TMPRSS13: variants seen among roughly 807,000 people sequenced by gnomAD.
TMPRSS13 encodes the protein transmembrane protease serine 13.
A neutral mutation model predicts 68.4 loss-of-function variants in TMPRSS13; 50 were observed. That is an observed-to-expected ratio of 0.73 (90% CI 0.58 to 0.93). TMPRSS13 has a LOEUF of 0.93. TMPRSS13 is among the 40% of genes least tolerant of loss of function. The probability of loss-of-function intolerance (pLI) is 0.00; values close to 1 mark genes in which losing one functional copy is unlikely to be tolerated. For synonymous variants in TMPRSS13, 267 were observed against 285.8 expected (o/e 0.93, Z 0.66); for missense variants, 615 against 729.2 (o/e 0.84, Z 1.80).
intron 8 of TMPRSS13, 140 bp from the exon 9 acceptor site, chr11:117,908,924 T>C (rs1221558119): frequency 2.5e-6 from 2 of 792,710 alleles, no homozygotes; most frequent in Non-Finnish European, 2.0e-6. Flanking sequence ...GAGGGAACCC[T>C]CTATCTTATC....
At chr11:117,902,314 G>A in intron 12 of TMPRSS13, 49 bp from the exon 13 acceptor site, 1 of 1,610,728 alleles carries the variant, frequency 6.2e-7, no homozygotes, top group Non-Finnish European at 8.5e-7. Flanking sequence ...AGGTGGGCGA[G>A]GAGCACAGAA....
intron 9 of TMPRSS13, among the ~76,000 whole-genome samples, chr11:117,907,271 T>TG (rs2057472441): frequency 6.6e-6 from 1 of 152,088 alleles, no homozygotes. Context: ...ACCTCAGCCC[T>TG]GGACTCCACA....
intron 9 of TMPRSS13, 102 bp downstream of exon 9, chr11:117,908,509 GC>G (rs1409044916): frequency 7.5e-7 from 1 of 1,334,212 alleles, no homozygotes; most frequent in South Asian, 1.3e-5. Context: ...CCCTGCAGAA[GC>G]TTTGGGGCCC....
intron 7 of TMPRSS13, among the ~76,000 whole-genome samples, chr11:117,910,305 G>A (rs890949176): frequency 3.9e-5 from 6 of 152,106 alleles, no homozygotes; most frequent in Non-Finnish European, 5.9e-5. Flanking sequence ...GCACTGTGTT[G>A]GGCATTGGGG....
chr11:117,923,062 C>G (rs1591631330), intron 1 of TMPRSS13, among the ~76,000 whole-genome samples: 3 of 152,310 alleles, frequency 2.0e-5, no homozygotes, highest in Admixed American at 2.0e-4. Context: ...AGGAGCAGCC[C>G]CTGGCTCTGG....
chr11:117,914,585 A>T lies in TMPRSS13; in HGVS notation c.557-71T>A. ...AGATGAGACACTGAGCAGCCCAAGG[A>T]CCTGGGGGTTCTGAGACACCGACCT... On this transcript the variant is annotated intron_variant, in intron 3 of 12. Transcript: ENST00000524993. The surrounding 1 kb of genome is among the most constrained non-coding windows in gnomAD (Gnocchi z 4.2). The T allele has an allele frequency of 6.3e-7, 1 of 1,594,710 alleles. No individual in the cohort carries two copies. The highest frequency in any genetic ancestry group is 1.1e-5 in the South Asian group (1 of 89,510).
chr11:117,902,530 C>A (rs1015268311), intron 12 of TMPRSS13, among the ~76,000 whole-genome samples: 8 of 152,216 alleles, frequency 5.3e-5, no homozygotes, highest in Non-Finnish European at 1.0e-4. Context: ...GCACCCCCTG[C>A]TTTACAGCTA....
intron 12 of TMPRSS13, among the ~76,000 whole-genome samples, chr11:117,902,623 C>G (rs1436207982): frequency 6.6e-6 from 1 of 152,218 alleles, no homozygotes; most frequent in Non-Finnish European, 1.5e-5. Flanking sequence ...CACCGAAATT[C>G]CTGCCGTGGA....
In TMPRSS13 at chr11:117,911,831, C is replaced by T. The variant is rs1393850927; in HGVS notation, c.839G>A (p.Arg280Lys). The T allele has an allele frequency of 1.2e-6, 2 of 1,614,006 alleles. No individual in the cohort carries two copies. The highest frequency in any genetic ancestry group is 1.7e-6 in the Non-Finnish European group (2 of 1,180,020). Reference protein sequence around the residue: ...SAHRTTEVAHRDFANSFSILR... With the variant: ...SAHRTTEVAHKDFANSFSILR... ...GATTGAGAAGCTGTTGGCAAAATCC[C>T]TGTGGGCAACCTCGGTTGTCCGGTG... is the stretch of plus-strand genomic sequence containing the variant. The change falls in exon 6 of 13, where the codon AGG becomes AAG. Residue 280 changes from arginine (R) to lysine (K), a missense_variant. Coordinates refer to ENST00000524993, the MANE Select transcript of TMPRSS13 (RefSeq NM_001077263.3).
intron 9 of TMPRSS13, among the ~76,000 whole-genome samples, chr11:117,906,986 C>G (rs78658389): frequency 0.014 from 2,136 of 152,262 alleles, 48 homozygotes; most frequent in African/African-American, 0.047. Flanking sequence ...GACTAAGGGT[C>G]TGCTTCCTGC....
At chr11:117,913,475 C>G (rs1045039894) in intron 5 of TMPRSS13, among the ~76,000 whole-genome samples, 1 of 152,184 alleles carries the variant, frequency 6.6e-6, no homozygotes, top group Non-Finnish European at 1.5e-5. Context: ...AGGGCCACCA[C>G]CACGATCAGT....
In TMPRSS13 at chr11:117,901,259, C is replaced by T. The variant is rs375251770; in HGVS notation, c.*980G>A. The T allele has an allele frequency of 2.6e-5, 4 of 152,584 alleles. No homozygotes were observed. Among genetic ancestry groups the T allele is most frequent in the African/African-American group, 7.2e-5 (3 of 41,416 alleles). 9.5% of individuals were successfully genotyped at this position (152,584 alleles called of 1,614,324 possible). ...AACAGCATCTGTTTCTTAACGCCTT[C>T]GTCAGAGCCCTGGGATGCAGAAACA... On this transcript the variant is annotated 3_prime_UTR_variant, in exon 13 of 13. Coordinates refer to ENST00000524993, the MANE Select transcript of TMPRSS13 (RefSeq NM_001077263.3).
rs775237627 is a variant in TMPRSS13, at chr11:117,929,357, A to G, written c.-50T>C. The G allele has an allele frequency of 6.3e-7, 1 of 1,587,000 alleles. No homozygotes were observed. Among genetic ancestry groups the G allele is most frequent in the Non-Finnish European group, 8.6e-7 (1 of 1,162,282 alleles). ...AGGCTTAGCTGATGTCGAGGAGAAG[A>G]TCCATCTTGGTCCCTGGCTTCTCAG... On this transcript the variant is annotated 5_prime_UTR_variant, in exon 1 of 13. Coordinates refer to ENST00000524993, the MANE Select transcript of TMPRSS13 (RefSeq NM_001077263.3).
chr11:117,912,658 A>T (rs944974290), intron 5 of TMPRSS13, among the ~76,000 whole-genome samples: 1 of 152,020 alleles, frequency 6.6e-6, no homozygotes, highest in Non-Finnish European at 1.5e-5. Context: ...TGCTCTCTCC[A>T]CCAGTGCAGT....
Position 117,902,201 on chromosome 11 carries a change from ACAGCAGCCGGTGCTGTGCAGAG to A in TMPRSS13, c.*16_*37del, listed in dbSNP as rs761251126. ...GCCAGTCACCATGGCCAGAGTCTTC[ACAGCAGCCGGTGCTGTGCAGAG>A]CAGCAGGCCAGCTGGTTAGGATTTT... On this transcript the variant is annotated 3_prime_UTR_variant, in exon 13 of 13. Coordinates refer to ENST00000524993, the MANE Select transcript of TMPRSS13 (RefSeq NM_001077263.3). The A allele has an allele frequency of 1.4e-4, 227 of 1,612,524 alleles. No homozygotes were observed. Among genetic ancestry groups the A allele is most frequent in the Non-Finnish European group, 1.8e-4 (211 of 1,179,542 alleles).
rs1158972935 is a variant in TMPRSS13 at position 117,909,977 on chromosome 11, AAGG to A, written c.947-12_947-10del. The A allele has an allele frequency of 1.2e-6, 2 of 1,613,430 alleles. No individual in the cohort carries two copies. The highest frequency in any genetic ancestry group is 1.3e-5 in the African/African-American group (1 of 75,030). Reference sequence around the variant, plus strand: ...GGCCCTCAGTCCGCAGTCTGGAGGGAAGGAGTAGACGTACTGTGAACCCTGTTT... The same window carrying A: ...GGCCCTCAGTCCGCAGTCTGGAGGGAAGTAGACGTACTGTGAACCCTGTTT... On this transcript the variant is annotated splice_polypyrimidine_tract_variant and intron_variant, in intron 7 of 12. Coordinates refer to ENST00000524993, the MANE Select transcript of TMPRSS13 (RefSeq NM_001077263.3).
chr11:117,924,256 CTG>C (rs1178334145), intron 1 of TMPRSS13, among the ~76,000 whole-genome samples: 3 of 136,306 alleles, frequency 2.2e-5, no homozygotes, highest in Admixed American at 7.6e-5. Context: ...CCCAGAAAGG[CTG>C]TGTGACTTGC....
intron 12 of TMPRSS13, chr11:117,903,383 C>G (rs1398666755): frequency 6.5e-7 from 1 of 1,533,724 alleles, no homozygotes; most frequent in Non-Finnish European, 8.7e-7. Context: ...AAAAATACTT[C>G]TGGGAGAACA....
rs185527761 is a variant in TMPRSS13, at chr11:117,922,474, C to T, written c.22-3636G>A. Among the ~76,000 whole-genome samples the T allele has an allele frequency of 8.5e-5, 13 of 152,290 alleles. No individual in the cohort carries two copies. Among genetic ancestry groups the T allele is most frequent in the African/African-American group, 2.2e-4 (9 of 41,560 alleles). On this transcript the variant is annotated intron_variant, in intron 1 of 12. Transcript: ENST00000524993. The surrounding 1 kb of genome is among the most constrained non-coding windows in gnomAD (Gnocchi z 4.2). ...GGTCTCGATCTCTTGATCTTGCGCC[C>T]GCCTCAGCCTCCCAAAGTGCTGGGA...
Sources: gnomAD v4.1 joint callset for allele counts (sites outside exome capture counted in the v4.1 genomes callset) on GRCh38, gnomAD v4.1.1 for gene constraint, Gnocchi (gnomAD v3.1) non-coding constraint, MANE v1.5 for transcripts, NCBI Gene and HGNC (gene_info 2026-07-23, HGNC 2026-07-21) for gene names.